The following AOAH variants were observed in gnomAD, a reference collection of about 807,000 sequenced individuals.
AOAH encodes the protein acyloxyacyl hydrolase.
Under a neutral mutation model 92.2 loss-of-function variants are expected in AOAH, and 64 were observed. That is an observed-to-expected ratio of 0.69 (90% confidence interval 0.57 to 0.86). The LOEUF (loss-of-function observed/expected upper bound fraction) is 0.86. AOAH is among the 40% of genes least tolerant of loss of function. The pLI, the probability that AOAH is intolerant of heterozygous loss-of-function variation, is 0.00. For synonymous variants in AOAH, 263 were observed against 254.5 expected, an observed-to-expected ratio of 1.03 and a Z score of -0.32; for missense variants, 656 against 694.6, an observed-to-expected ratio of 0.94 and a Z score of 0.62.
intron 1 of AOAH, chr7:36,690,268 A>G (rs916157660): frequency 2.3e-6 from 1 of 425,840 alleles, no homozygotes; most frequent in Non-Finnish European, 4.7e-6. Flanking sequence ...CGCTATCGTC[A>G]CTTTGCCCAG....
intron 1 of AOAH, among the ~76,000 whole-genome samples, chr7:36,697,224 A>G (rs1166225922): frequency 6.6e-6 from 1 of 152,288 alleles, no homozygotes; most frequent in East Asian, 1.9e-4. Flanking sequence ...CTTTTCTTTC[A>G]TAATTTGTTG....
chr7:36,709,963 A>G (rs1798657984), intron 1 of AOAH, among the ~76,000 whole-genome samples: 1 of 152,202 alleles, frequency 6.6e-6, no homozygotes, highest in African/African-American at 2.4e-5. Flanking sequence ...TATTTGGTGA[A>G]TCACTTTGGA....
intron 11 of AOAH, among the ~76,000 whole-genome samples, chr7:36,596,173 C>CAA (rs57178014): frequency 0.066 from 9,671 of 146,812 alleles, 1,085 homozygotes; most frequent in African/African-American, 0.23. Context: ...GCCCCCCCAC[C>CAA]CCCCGTCACC....
intron 6 of AOAH, among the ~76,000 whole-genome samples, chr7:36,625,481 T>G (rs1215959563): frequency 6.6e-6 from 1 of 152,194 alleles, no homozygotes; most frequent in Admixed American, 6.5e-5. Flanking sequence ...GTATTGGTCC[T>G]CACAAAGTGC....
intron 2 of AOAH, among the ~76,000 whole-genome samples, chr7:36,676,241 CAAAT>C (rs763706576): frequency 1.1e-3 from 171 of 152,190 alleles, no homozygotes; most frequent in Non-Finnish European, 1.5e-3. Flanking sequence ...ACTATAAGAA[CAAAT>C]AAATAAGTTC....
intron 1 of AOAH, among the ~76,000 whole-genome samples, chr7:36,718,138 G>A (rs533376550): frequency 1.6e-4 from 25 of 151,754 alleles, no homozygotes; most frequent in Non-Finnish European, 3.2e-4. Flanking sequence ...ATTTAAAGAG[G>A]GGCAAAATAT....
intron 16 of AOAH, among the ~76,000 whole-genome samples, chr7:36,539,188 G>T (rs1785263634): frequency 6.6e-6 from 1 of 152,222 alleles, no homozygotes; most frequent in Admixed American, 6.5e-5. Context: ...GGGCGTGAAA[G>T]AATGAGTTTC....
chr7:36,716,267 A>C (rs1355836611), intron 1 of AOAH, among the ~76,000 whole-genome samples: 2 of 152,004 alleles, frequency 1.3e-5, no homozygotes, highest in East Asian at 1.9e-4. Context: ...TCAAAACCAC[A>C]ATGAGATACC....
intron 5 of AOAH, among the ~76,000 whole-genome samples, chr7:36,632,658 G>A (rs1793208133): frequency 6.6e-6 from 1 of 152,180 alleles, no homozygotes; most frequent in African/African-American, 2.4e-5. Context: ...TTACCAAGCA[G>A]TGCTTTTAGA....
intron 13 of AOAH, among the ~76,000 whole-genome samples, chr7:36,569,470 A>AAACT (rs202111424): frequency 6.8e-6 from 1 of 148,068 alleles, no homozygotes; most frequent in East Asian, 2.0e-4. Context: ...TACTTAAAAA[A>AAACT]ATCTATCTAT....
chr7:36,659,729 C>T (rs1795095331), intron 3 of AOAH, among the ~76,000 whole-genome samples: 1 of 151,112 alleles, frequency 6.6e-6, no homozygotes, highest in South Asian at 2.1e-4. Flanking sequence ...ATTCTATTCC[C>T]TTATAAACAT....
chr7:36,559,283 G>A (rs745789098), intron 13 of AOAH, among the ~76,000 whole-genome samples: 46 of 152,192 alleles, frequency 3.0e-4, no homozygotes, highest in Non-Finnish European at 5.4e-4. Context: ...GGATTGCTGG[G>A]TCAAATGGTA....
At chr7:36,694,142 G>A (rs1797569519) in intron 1 of AOAH, among the ~76,000 whole-genome samples, 1 of 151,940 alleles carries the variant, frequency 6.6e-6, no homozygotes, top group Admixed American at 6.6e-5. Context: ...TTTTTGTGGG[G>A]GGAGTATGCA....
At chr7:36,576,524 C>A (rs1439566126) in intron 13 of AOAH, 50 bp downstream of exon 13, 1 of 1,092,574 alleles carries the variant, frequency 9.2e-7, no homozygotes, top group Non-Finnish European at 1.3e-6. Flanking sequence ...ATGAAATAAA[C>A]TCAATCATTA....
chr7:36,660,916 T>C (rs1302524242), intron 3 of AOAH: 2 of 152,256 alleles, frequency 1.3e-5, no homozygotes, highest in African/African-American at 4.8e-5. Flanking sequence ...ACTCTACTTA[T>C]ATACTTCTAT....
At position 36,583,540 on chromosome 7, in the gene AOAH, G is replaced by C. The variant is rs142555191; in HGVS notation, c.939-6884C>G. On this transcript the variant is annotated intron_variant, in intron 12 of 20. Coordinates refer to ENST00000617537, the MANE Select transcript of AOAH (RefSeq NM_001637.4). The stretch of plus-strand genomic sequence containing the variant: ...AGAGAGTGATAAACATACAGAATAT[G>C]ACTCACCGTGGACTCAGAGAGACTG... Among the ~76,000 whole-genome samples, 1,105 of 152,258 alleles carry C rather than the reference G, an allele frequency of 7.3e-3. 13 individuals carry two copies. Among genetic ancestry groups the C allele is most frequent in the African/African-American group, 0.025 (1,052 of 41,548 alleles).
rs1322581073 is a variant in AOAH at position 36,569,519 on chromosome 7, ATCTT to A, written c.1021+7051_1021+7054del. Among the ~76,000 whole-genome samples, 278 of 148,628 alleles carry A rather than the reference ATCTT, an allele frequency of 1.9e-3. 2 individuals carry two copies. The highest frequency in any genetic ancestry group is 6.7e-3 in the African/African-American group (270 of 40,428). On this transcript the variant is annotated intron_variant, in intron 13 of 20. Transcript: ENST00000617537. The stretch of plus-strand genomic sequence containing the variant: ...TATCTATCTATCTATCTATCTGTCT[ATCTT>A]TCTACCAGATTTACATATATATATA...
intron 3 of AOAH, among the ~76,000 whole-genome samples, chr7:36,668,092 TTTTA>T (rs1352505227): frequency 6.6e-6 from 1 of 152,200 alleles, no homozygotes; most frequent in African/African-American, 2.4e-5. Context: ...TGTTACTGTT[TTTTA>T]TTTGTTACCG....
intron 1 of AOAH, among the ~76,000 whole-genome samples, chr7:36,709,216 G>A (rs1286774301): frequency 1.3e-5 from 2 of 152,026 alleles, no homozygotes; most frequent in African/African-American, 2.4e-5. Context: ...AATTCCCAAC[G>A]GCCTCCATCA....
Sources: allele counts gnomAD v4.1 joint callset (sites outside exome capture counted in the v4.1 genomes callset), GRCh38; gene constraint gnomAD v4.1.1; transcripts MANE v1.5; gene names NCBI Gene and HGNC (gene_info 2026-07-23, HGNC 2026-07-21).